Variants in PAX2 observed in about 807,000 individuals in gnomAD.
The protein encoded by PAX2 is paired box protein Pax-2.
PAX2 carries 9 observed loss-of-function variants against 41.7 expected under a neutral mutation model. The observed-to-expected ratio is 0.22, with a 90% CI of 0.13 to 0.38. The LOEUF (loss-of-function observed/expected upper bound fraction) is 0.38, where lower values mean the gene tolerates loss of function less well. Ranked by LOEUF, PAX2 falls within the 10% of genes least tolerant of loss-of-function variation. The pLI is 1.00. For synonymous variants in PAX2, 221 were observed against 212.7 expected, an observed-to-expected ratio of 1.04 and a Z score of -0.34; for missense variants, 418 against 531.6, an observed-to-expected ratio of 0.79 and a Z score of 2.10.
At chr10:100,779,693 T>A in intron 4 of PAX2, 110 bp downstream of exon 4, 1 of 819,956 alleles carries the variant, frequency 1.2e-6, no homozygotes, top group Non-Finnish European at 2.1e-6. Flanking sequence ...GAGCCCAACC[T>A]ATTTGCCAAC....
At chr10:100,746,670 C>G (rs981271075) in intron 1 of PAX2, among the ~76,000 whole-genome samples, 1 of 152,206 alleles carries the variant, frequency 6.6e-6, no homozygotes, top group African/African-American at 2.4e-5. Context: ...GGCAAATTAG[C>G]AGGCAGTTTT....
At chr10:100,772,625 C>T (rs1290059663) in intron 3 of PAX2, among the ~76,000 whole-genome samples, 1 of 152,210 alleles carries the variant, frequency 6.6e-6, no homozygotes, top group Non-Finnish European at 1.5e-5. Flanking sequence ...AGGAAAGACC[C>T]TCCCCATACC....
At chr10:100,807,191 C>T (rs1847820237) in intron 6 of PAX2, among the ~76,000 whole-genome samples, 2 of 152,150 alleles carry the variant, frequency 1.3e-5, no homozygotes, top group African/African-American at 2.4e-5. Context: ...GCATGGGGCA[C>T]AGCATGTAAC....
Position 100,828,600 on chromosome 10 carries a change from G to A in PAX2, c.*981G>A, listed in dbSNP as rs1848668261. 1 of 233,110 alleles carries A rather than the reference G, an allele frequency of 4.3e-6. No individual in the cohort carries two copies. The highest frequency in any genetic ancestry group is 8.5e-6 in the Non-Finnish European group (1 of 118,108). The allele number at this position is 233,110 out of a possible 1,614,324, so 14.4% of individuals were successfully genotyped here. A position where few individuals can be genotyped will look rare whatever the true frequency, so the allele number is the denominator to read the frequency against. ...CAGTTTCCATAGACTGCGGACTGGG[G>A]TCTTCCTCCAGCAGTTACTTGATGC... On this transcript the variant is annotated 3_prime_UTR_variant, in exon 10 of 10. Coordinates refer to ENST00000355243, the MANE Select transcript of PAX2 (RefSeq NM_000278.5). This position sits in a 1 kb window ranked among gnomAD's most constrained non-coding sequence, Gnocchi z 6.5.
chr10:100,781,094 C>T, intron 4 of PAX2, 152 bp from the exon 5 acceptor site: 1 of 801,798 alleles, frequency 1.2e-6, no homozygotes, highest in African/African-American at 1.7e-5. Context: ...TTAAATAGAC[C>T]CCAGAGGAAG....
chr10:100,752,009 T>A (rs1372543334), intron 3 of PAX2, among the ~76,000 whole-genome samples: 1 of 152,232 alleles, frequency 6.6e-6, no homozygotes, highest in Non-Finnish European at 1.5e-5. Flanking sequence ...TGGCATCACA[T>A]ATAAAGGATT....
At chr10:100,788,127 G>A (rs892325378) in intron 5 of PAX2, among the ~76,000 whole-genome samples, 6 of 152,138 alleles carry the variant, frequency 3.9e-5, no homozygotes. Context: ...CTCTCACATG[G>A]ATGTGCAAGC....
chr10:100,827,105 C>T lies in PAX2; in HGVS notation c.1108+10C>T. On this transcript the variant is annotated intron_variant, in intron 9 of 9. Coordinates refer to ENST00000355243, the MANE Select transcript of PAX2 (RefSeq NM_000278.5). This position sits in a 1 kb window ranked among gnomAD's most constrained non-coding sequence, Gnocchi z 8.5. ...AACCCCGCCTTACTAAGTGAGTACG[C>T]CACCTGGCTGGCCGGCGGCTCAGCG... 2 of 1,605,144 alleles carry T rather than the reference C, an allele frequency of 1.2e-6. No individual in the cohort carries two copies. The highest frequency in any genetic ancestry group is 1.7e-6 in the Non-Finnish European group (2 of 1,171,956).
chr10:100,777,875 G>A (rs1846455855), intron 3 of PAX2, among the ~76,000 whole-genome samples: 1 of 152,230 alleles, frequency 6.6e-6, no homozygotes, highest in Non-Finnish European at 1.5e-5. Context: ...AAATGGTGAT[G>A]GTTCTCATCA....
chr10:100,755,337 T>C (rs1845590680), intron 3 of PAX2, among the ~76,000 whole-genome samples: 1 of 152,180 alleles, frequency 6.6e-6, no homozygotes, highest in South Asian at 2.1e-4. Flanking sequence ...TTGCCCTGCC[T>C]TCCTACCTCA....
At chr10:100,758,415 C>T (rs1340572267) in intron 3 of PAX2, among the ~76,000 whole-genome samples, 2 of 151,936 alleles carry the variant, frequency 1.3e-5, no homozygotes, top group Admixed American at 6.6e-5. Context: ...GCTGGGATTA[C>T]AGGCGTGAGC....
At position 100,765,916 on chromosome 10, in the gene PAX2, T is replaced by TATCATC. The variant is rs35255034; in HGVS notation, c.411-13555_411-13550dup. On this transcript the variant is annotated intron_variant, in intron 3 of 9. Coordinates refer to ENST00000355243, the MANE Select transcript of PAX2 (RefSeq NM_000278.5). ...GCTTTACTCAGAAAGCCTTTATATT[T>TATCATC]ATCATCATCATCATCATCATCATCA... is the stretch of plus-strand genomic sequence containing the variant. Among the ~76,000 whole-genome samples, 121 of 151,024 alleles carry TATCATC rather than the reference T, an allele frequency of 8.0e-4. 1 individual carries two copies. Among genetic ancestry groups the TATCATC allele is most frequent in the Non-Finnish European group, 1.4e-3 (93 of 67,716 alleles).
Position 100,824,530 on chromosome 10 carries a change from C to T in PAX2, c.920-118C>T, listed in dbSNP as rs568161278. ...GTGCACAGTGGCACACATACCCCTG[C>T]ACGTCTGCACAGAGCTCTTTCCTCT... On this transcript the variant is annotated intron_variant, in intron 7 of 9. Coordinates refer to ENST00000355243, the MANE Select transcript of PAX2 (RefSeq NM_000278.5). This position sits in a 1 kb window ranked among gnomAD's most constrained non-coding sequence, Gnocchi z 6.6. 2.5e-6 allele frequency: 2 copies of T among 795,800 alleles called. No homozygotes were observed. Among genetic ancestry groups the T allele is most frequent in the East Asian group, 2.4e-5 (1 of 41,178 alleles). 49.3% of individuals were successfully genotyped at this position (795,800 alleles called of 1,614,324 possible).
intron 7 of PAX2, among the ~76,000 whole-genome samples, chr10:100,809,911 A>C (rs1236360435): frequency 6.6e-6 from 1 of 152,140 alleles, no homozygotes; most frequent in African/African-American, 2.4e-5. Flanking sequence ...GTTAGTTTGG[A>C]AGGGGAGGTG....
chr10:100,745,794 A>C lies in PAX2; in HGVS notation c.-467A>C. The C allele has an allele frequency of 9.4e-7, 1 of 1,066,758 alleles. No individual in the cohort carries two copies. The highest frequency in any genetic ancestry group is 1.1e-6 in the Non-Finnish European group (1 of 881,428). 66.1% of individuals were successfully genotyped at this position (1,066,758 alleles called of 1,614,324 possible). The stretch of plus-strand genomic sequence containing the variant: ...TGCTACTTCTCTGCCAACTTCGCCA[A>C]CTCGCCAGCACTTGGAGAGGCCCGG... On this transcript the variant is annotated 5_prime_UTR_variant, in exon 1 of 10. Coordinates refer to ENST00000355243, the MANE Select transcript of PAX2 (RefSeq NM_000278.5).
chr10:100,755,087 C>T lies in PAX2; in HGVS notation c.410+4196C>T, dbSNP rs192265732. 1.4e-3 allele frequency among the ~76,000 whole-genome samples: 211 copies of T among 152,352 alleles called. 1 individual carries two copies. Among genetic ancestry groups the T allele is most frequent in the Middle Eastern group, 6.8e-3 (2 of 294 alleles). ...TCGCTCACCTGTCCTTTCCCAGAGA[C>T]AGTCCCCTACTGTGAGGTTACCCAT... On this transcript the variant is annotated intron_variant, in intron 3 of 9. Coordinates refer to ENST00000355243, the MANE Select transcript of PAX2 (RefSeq NM_000278.5).
At chr10:100,768,302 C>T (rs3922761) in intron 3 of PAX2, among the ~76,000 whole-genome samples, 29,867 of 152,026 alleles carry the variant, frequency 0.2, 3,163 homozygotes, top group Middle Eastern at 0.32. Context: ...AGAAATAGAT[C>T]CTCAAAACAG....
chr10:100,767,929 T>A (rs1186208267), intron 3 of PAX2, among the ~76,000 whole-genome samples: 2 of 152,182 alleles, frequency 1.3e-5, no homozygotes, highest in African/African-American at 4.8e-5. Context: ...AGTTGGAGTT[T>A]ATAAAATCAA....
intron 3 of PAX2, among the ~76,000 whole-genome samples, chr10:100,770,938 G>C (rs1159693982): frequency 6.6e-6 from 1 of 152,096 alleles, no homozygotes; most frequent in African/African-American, 2.4e-5. Context: ...CTCTTCCAAG[G>C]ATCCCCTTGA....
Sources: gnomAD v4.1 joint callset for allele counts (sites outside exome capture counted in the v4.1 genomes callset) on GRCh38, gnomAD v4.1.1 for gene constraint, Gnocchi (gnomAD v3.1) non-coding constraint, MANE v1.5 for transcripts, NCBI Gene and HGNC (gene_info 2026-07-23, HGNC 2026-07-21) for gene names.